CHODL: variants seen among roughly 807,000 people sequenced by gnomAD.
CHODL encodes transmembrane protein MT75.
In CHODL, 29 loss-of-function variants were observed where a neutral mutation model predicts 34.5. The ratio of observed to expected loss-of-function variants is 0.84; its 90% CI spans 0.63 to 1.15. CHODL has a LOEUF of 1.15. Ranked by LOEUF, CHODL falls within the 50% of genes most tolerant of loss-of-function variation. CHODL has a pLI of 0.00. For missense variants in CHODL, 332 were observed against 332.5 expected (o/e 1.00, Z 0.01); for synonymous variants, 125 against 116.1 (o/e 1.08, Z -0.49).
chr21:17,964,772 T>C (rs954177663), intron 1 of CHODL, among the ~76,000 whole-genome samples: 2 of 152,196 alleles, frequency 1.3e-5, no homozygotes, highest in Non-Finnish European at 2.9e-5. Flanking sequence ...TAGATTACTT[T>C]TGATTTGCTT....
chr21:18,232,174 A>G (rs769420770), intron 2 of CHODL, among the ~76,000 whole-genome samples: 2 of 152,288 alleles, frequency 1.3e-5, no homozygotes, highest in South Asian at 2.1e-4. Context: ...TTAAAATGAT[A>G]TAAATTATTC....
At chr21:17,947,998 A>G (rs2063425934) in intron 1 of CHODL, among the ~76,000 whole-genome samples, 1 of 152,168 alleles carries the variant, frequency 6.6e-6, no homozygotes, top group South Asian at 2.1e-4. Flanking sequence ...TGTGTCTTTT[A>G]CAGCAACATG....
chr21:18,013,744 C>T (rs1173986968), intron 1 of CHODL, among the ~76,000 whole-genome samples: 2 of 148,908 alleles, frequency 1.3e-5, no homozygotes. Flanking sequence ...AAGCAATTCT[C>T]CTCTCTCAGC....
chr21:17,998,587 A>G (rs1382411371), intron 1 of CHODL, among the ~76,000 whole-genome samples: 1 of 152,204 alleles, frequency 6.6e-6, no homozygotes, highest in Non-Finnish European at 1.5e-5. Flanking sequence ...TACATCTTCT[A>G]AAATCTAGCC....
intron 2 of CHODL, among the ~76,000 whole-genome samples, chr21:18,097,101 C>T (rs1410837970): frequency 1.3e-5 from 2 of 151,938 alleles, no homozygotes; most frequent in Non-Finnish European, 2.9e-5. Flanking sequence ...TATGACAGAC[C>T]CAAAGCTAGT....
intron 2 of CHODL, among the ~76,000 whole-genome samples, chr21:18,066,027 C>G (rs922545139): frequency 3.9e-5 from 6 of 152,098 alleles, no homozygotes; most frequent in Non-Finnish European, 7.4e-5. Context: ...AAATCTATAG[C>G]AAATTCTACC....
At chr21:18,028,154 A>G (rs2146434517) in intron 2 of CHODL, among the ~76,000 whole-genome samples, 1 of 152,144 alleles carries the variant, frequency 6.6e-6, no homozygotes, top group South Asian at 2.1e-4. Flanking sequence ...GAACAAGTAA[A>G]TTAGCTATCT....
rs535122153 is a variant in CHODL, at chr21:18,015,369, G to A, written c.-144-12503G>A. Among the ~76,000 whole-genome samples the A allele has an allele frequency of 7.9e-5, 12 of 152,246 alleles. No homozygotes were observed. In the South Asian group the frequency reaches 8.3e-4, roughly 11 times the overall value. ...TTCCTCTTTGCCTTCCACCATGATCGTAGGTTTTCTGAGGCCTCCCCAGCC... is the reference window on the plus strand; with the variant it reads ...TTCCTCTTTGCCTTCCACCATGATCATAGGTTTTCTGAGGCCTCCCCAGCC... On this transcript the variant is annotated intron_variant, in intron 1 of 6. Transcript: ENST00000400127.
rs989259955 is a variant in CHODL at position 17,956,787 on chromosome 21, C to A, written c.-145+39387C>A. 5.5e-5 allele frequency among the ~76,000 whole-genome samples: 7 copies of A among 126,492 alleles called. 2 individuals carry two copies. Among genetic ancestry groups the A allele is most frequent in the Admixed American group, 1.5e-4 (2 of 12,910 alleles). The allele number at this position is 126,492 out of a possible 152,430, so 83.0% of individuals were successfully genotyped here. A position where few individuals can be genotyped will look rare whatever the true frequency, so the allele number is the denominator to read the frequency against. ...GAGAGCTGTGTCCTTATGACCTTAACCCCTCAAAGGAAAGAAGAGATAAAC... is the reference window on the plus strand; with the variant it reads ...GAGAGCTGTGTCCTTATGACCTTAAACCCTCAAAGGAAAGAAGAGATAAAC... On this transcript the variant is annotated intron_variant, in intron 1 of 6. Coordinates refer to the CHODL transcript ENST00000400127.
At chr21:18,198,615 A>G (rs961546862) in intron 2 of CHODL, among the ~76,000 whole-genome samples, 1 of 152,168 alleles carries the variant, frequency 6.6e-6, no homozygotes, top group Non-Finnish European at 1.5e-5. Flanking sequence ...TGCAACTTTT[A>G]GATTTCTGGT....
chr21:18,172,335 G>C (rs186048264), intron 2 of CHODL, among the ~76,000 whole-genome samples: 3 of 152,108 alleles, frequency 2.0e-5, no homozygotes, highest in Non-Finnish European at 4.4e-5. Flanking sequence ...GGAGGTTTCC[G>C]GAGAGCAGCC....
chr21:18,201,946 A>G (rs1183483197), intron 2 of CHODL, among the ~76,000 whole-genome samples: 1 of 151,818 alleles, frequency 6.6e-6, no homozygotes, highest in Non-Finnish European at 1.5e-5. Context: ...TTGGGACTAC[A>G]GGCGACCGCC....
intron 1 of CHODL, among the ~76,000 whole-genome samples, chr21:18,009,281 C>G (rs2063989352): frequency 6.6e-6 from 1 of 152,038 alleles, no homozygotes. Flanking sequence ...GATTGTTACT[C>G]TAATCACCTT....
At chr21:18,021,930 A>T (rs148960360) in intron 1 of CHODL, among the ~76,000 whole-genome samples, 30 of 152,230 alleles carry the variant, frequency 2.0e-4, no homozygotes, top group African/African-American at 6.7e-4. Flanking sequence ...TGAAAAGGTA[A>T]CTCCTAACAT....
chr21:18,259,368 A>G (rs2074353651), intron 3 of CHODL, among the ~76,000 whole-genome samples: 1 of 152,168 alleles, frequency 6.6e-6, no homozygotes, highest in Non-Finnish European at 1.5e-5. Context: ...ACAATTTTAA[A>G]GTGTGTAGCA....
intron 2 of CHODL, among the ~76,000 whole-genome samples, chr21:18,029,846 C>T (rs756063512): frequency 5.3e-5 from 8 of 152,054 alleles, no homozygotes; most frequent in South Asian, 2.1e-4. Context: ...AAAGTCCAGG[C>T]GTGCAGTAGT....
chr21:17,996,819 A>G lies in CHODL; in HGVS notation c.-144-31053A>G, dbSNP rs1204484163. On this transcript the variant is annotated intron_variant, in intron 1 of 6. Coordinates refer to the CHODL transcript ENST00000400127. ...TGACTATTTTTGCAGAATTTATGGAAGAAATTCATAAACTCTTTGGATGAA... is the reference window on the plus strand; with the variant it reads ...TGACTATTTTTGCAGAATTTATGGAGGAAATTCATAAACTCTTTGGATGAA... 3.3e-5 allele frequency among the ~76,000 whole-genome samples: 5 copies of G among 152,226 alleles called. No homozygotes were observed. The East Asian group carries it at 9.6e-4, about 29-fold the overall frequency.
At chr21:18,136,625 G>A (rs909921543) in intron 2 of CHODL, among the ~76,000 whole-genome samples, 1 of 150,766 alleles carries the variant, frequency 6.6e-6, no homozygotes, top group African/African-American at 2.4e-5. Context: ...GTGTGTGCGT[G>A]CGCACACACA....
chr21:18,111,940 T>A (rs948347984), intron 2 of CHODL, among the ~76,000 whole-genome samples: 17 of 152,160 alleles, frequency 1.1e-4, no homozygotes, highest in Non-Finnish European at 2.5e-4. Context: ...GTCTCTCCTA[T>A]CAGTGCTTCC....
Sources: gnomAD v4.1 joint callset for allele counts (sites outside exome capture counted in the v4.1 genomes callset) on GRCh38, gnomAD v4.1.1 for gene constraint, MANE v1.5 for transcripts, NCBI Gene and HGNC (gene_info 2026-07-23, HGNC 2026-07-21) for gene names.